Variants in G3BP1 observed in about 807,000 individuals in gnomAD.
G3BP1 encodes the protein G3BP stress granule assembly factor 1, also known as ras GTPase-activating protein-binding protein 1.
G3BP1 carries 35 observed loss-of-function variants against 58.6 expected under a neutral mutation model. The observed-to-expected ratio is 0.60, with a 90% CI of 0.46 to 0.79. G3BP1 has a LOEUF of 0.79. Among genes scored for constraint, G3BP1 ranks in the 30% least tolerant of loss-of-function variants. The probability of loss-of-function intolerance (pLI) is 0.00; values close to 1 mark genes in which losing one functional copy is unlikely to be tolerated. For missense variants in G3BP1, 523 were observed against 580.8 expected (o/e 0.90, Z 1.02); for synonymous variants, 191 against 195.4 (o/e 0.98, Z 0.19).
At chr5:151,802,060 G>T (rs951709829) in intron 11 of G3BP1, among the ~76,000 whole-genome samples, 1 of 152,090 alleles carries the variant, frequency 6.6e-6, no homozygotes, top group African/African-American at 2.4e-5. Flanking sequence ...CAGGTGATCC[G>T]CTGACCTTGG....
intron 4 of G3BP1, among the ~76,000 whole-genome samples, chr5:151,793,831 CAAAAA>C (rs751382380): frequency 1.0e-5 from 1 of 97,830 alleles, no homozygotes; most frequent in South Asian, 3.1e-4. Context: ...CGTCTCTACT[CAAAAA>C]AAAAAAAAAA....
chr5:151,790,257 A>G, intron 2 of G3BP1, 66 bp from the exon 3 acceptor site: 2 of 836,120 alleles, frequency 2.4e-6, no homozygotes, highest in South Asian at 1.7e-5. Flanking sequence ...GTTTGCCAGT[A>G]TCAGACGTGA....
At chr5:151,803,831 T>C in intron 11 of G3BP1, 54 bp from the exon 12 acceptor site, 1 of 1,174,430 alleles carries the variant, frequency 8.5e-7, no homozygotes, top group Non-Finnish European at 1.3e-6. Context: ...TTATCTTTGA[T>C]AGTGATAGCC....
intron 11 of G3BP1, among the ~76,000 whole-genome samples, chr5:151,801,543 T>A (rs1232233831): frequency 6.6e-6 from 1 of 152,198 alleles, no homozygotes; most frequent in Non-Finnish European, 1.5e-5. Flanking sequence ...CATAACAAAA[T>A]TAACCATTTA....
intron 1 of G3BP1, among the ~76,000 whole-genome samples, chr5:151,781,258 T>C (rs1016935950): frequency 2.0e-5 from 3 of 152,182 alleles, no homozygotes; most frequent in Non-Finnish European, 4.4e-5. Flanking sequence ...CCATTTGCAG[T>C]CAAGAGAAAT....
intron 3 of G3BP1, 126 bp from the exon 4 acceptor site, chr5:151,790,763 G>A: frequency 1.6e-6 from 1 of 619,862 alleles, no homozygotes; most frequent in South Asian, 2.3e-5. Flanking sequence ...AATTCAGTCT[G>A]CATATCCTGT....
At chr5:151,779,088 C>T (rs755008410) in intron 1 of G3BP1, among the ~76,000 whole-genome samples, 7 of 151,912 alleles carry the variant, frequency 4.6e-5, no homozygotes, top group African/African-American at 7.3e-5. Context: ...AGGTAAATGC[C>T]TTGCAAATAT....
Position 151,808,586 on chromosome 5 carries a change from T to C in G3BP1, c.*4495T>C, listed in dbSNP as rs1762970273. The C allele has an allele frequency of 1.3e-5, 2 of 152,226 alleles. No individual in the cohort carries two copies. Among genetic ancestry groups the C allele is most frequent in the Admixed American group, 6.5e-5 (1 of 15,284 alleles). The allele number at this position is 152,226 out of a possible 1,614,324, so 9.4% of individuals were successfully genotyped here. On this transcript the variant is annotated 3_prime_UTR_variant, in exon 12 of 12. Transcript: ENST00000356245. ...GAGGAAAATAATATAGGGAATCTGT[T>C]CAACTATTCCTTTAATAAATCATGT...
At chr5:151,777,285 T>C (rs1008595764) in intron 1 of G3BP1, among the ~76,000 whole-genome samples, 6 of 152,178 alleles carry the variant, frequency 3.9e-5, no homozygotes, top group African/African-American at 1.4e-4. Flanking sequence ...GAAACAAAAT[T>C]TACAAAAATT....
chr5:151,781,901 C>T (rs183078088), intron 1 of G3BP1, among the ~76,000 whole-genome samples: 1 of 152,200 alleles, frequency 6.6e-6, no homozygotes, highest in Admixed American at 6.5e-5. Context: ...ATTTTCAACT[C>T]TGGGCTATCC....
Position 151,806,561 on chromosome 5 carries a change from T to A in G3BP1, c.*2470T>A, listed in dbSNP as rs1436794982. 6.6e-6 allele frequency: 1 copy of A among 152,200 alleles called. No homozygotes were observed. Among genetic ancestry groups the A allele is most frequent in the Non-Finnish European group, 1.5e-5 (1 of 68,032 alleles). 9.4% of individuals were successfully genotyped at this position (152,200 alleles called of 1,614,324 possible). On this transcript the variant is annotated 3_prime_UTR_variant, in exon 12 of 12. Coordinates refer to ENST00000356245, the MANE Select transcript of G3BP1 (RefSeq NM_005754.3). The stretch of plus-strand genomic sequence containing the variant: ...CATGATCAGAACTGTTGAGAATCCT[T>A]GTACAATTATGTACATTATTGCATG...
rs112027688 is a variant in G3BP1, at chr5:151,797,410, A to G, written c.723A>G (p.Thr241=). 6.1e-5 allele frequency: 98 copies of G among 1,610,476 alleles called. No individual in the cohort carries two copies. In the African/African-American group the frequency reaches 1.3e-3, roughly 21 times the overall value. ...SSPAPADIAQ[T]VQEDLRTFSW... The stretch of plus-strand genomic sequence containing the variant: ...CAGCACCTGCAGACATAGCTCAGAC[A>G]GTACAGGAAGACTTGAGGGTATGAA... Residue 241 remains threonine, a synonymous_variant, in exon 7 of 12, where the codon ACA becomes ACG. Coordinates refer to ENST00000356245, the MANE Select transcript of G3BP1 (RefSeq NM_005754.3).
At position 151,805,821 on chromosome 5, in the gene G3BP1, TG is replaced by T. The variant is rs1199556273; in HGVS notation, c.*1733del. On this transcript the variant is annotated 3_prime_UTR_variant, in exon 12 of 12. Transcript: ENST00000356245. ...TTTGTAGCTTATATTAAGCATGTGG[TG>T]GGTGGAAAGAAAAGTTTAGTCTGAG... is the stretch of plus-strand genomic sequence containing the variant. 3 of 152,132 alleles carry T rather than the reference TG, an allele frequency of 2.0e-5. No homozygotes were observed. The highest frequency in any genetic ancestry group is 2.0e-4 in the Admixed American group (3 of 15,274). 9.4% of individuals were successfully genotyped at this position (152,132 alleles called of 1,614,324 possible).
chr5:151,800,609 T>G, intron 10 of G3BP1, 151 bp from the exon 11 acceptor site: 1 of 620,376 alleles, frequency 1.6e-6, no homozygotes, highest in South Asian at 2.2e-5. Context: ...TTTACACTTA[T>G]GAGAGGCACA....
Position 151,812,742 on chromosome 5 carries a change from A to AT in G3BP1, c.*8654dup, listed in dbSNP as rs1372896207. 6.6e-6 allele frequency: 1 copy of AT among 152,214 alleles called. No homozygotes were observed. Among genetic ancestry groups the AT allele is most frequent in the Non-Finnish European group, 1.5e-5 (1 of 68,028 alleles). 9.4% of individuals were successfully genotyped at this position (152,214 alleles called of 1,614,324 possible). On this transcript the variant is annotated 3_prime_UTR_variant, in exon 12 of 12. Transcript: ENST00000356245. ...TAACCCCTTCCTCCAGTGACTGTGCATTTATTTTGTAATAAACTCATTTTG... is the reference window on the plus strand; with the variant it reads ...TAACCCCTTCCTCCAGTGACTGTGCATTTTATTTTGTAATAAACTCATTTTG...
intron 1 of G3BP1, among the ~76,000 whole-genome samples, chr5:151,775,667 C>T (rs924312799): frequency 6.6e-6 from 1 of 152,198 alleles, no homozygotes; most frequent in Non-Finnish European, 1.5e-5. Context: ...AGTGTATCCA[C>T]CTGTCTTGAT....
Position 151,794,892 on chromosome 5 carries a change from A to G in G3BP1, c.443-587A>G, listed in dbSNP as rs1762723981. On this transcript the variant is annotated intron_variant, in intron 5 of 11. Transcript: ENST00000356245. ...AGCCTGCATTAGATAACTGCCTAATATAATTTGGCTAATGTCACGTAGCCA... is the reference window on the plus strand; with the variant it reads ...AGCCTGCATTAGATAACTGCCTAATGTAATTTGGCTAATGTCACGTAGCCA... Among the ~76,000 whole-genome samples the G allele has an allele frequency of 2.0e-5, 3 of 152,378 alleles. No homozygotes were observed. In the South Asian group the frequency reaches 6.2e-4, roughly 32 times the overall value.
intron 1 of G3BP1, among the ~76,000 whole-genome samples, chr5:151,775,118 G>C (rs975270435): frequency 6.6e-6 from 1 of 152,164 alleles, no homozygotes; most frequent in African/African-American, 2.4e-5. Context: ...AGTAAATAAG[G>C]TCTTTAGGCG....
rs956408597 is a variant in G3BP1 at position 151,805,676 on chromosome 5, C to T, written c.*1585C>T. 3 of 152,186 alleles carry T rather than the reference C, an allele frequency of 2.0e-5. No homozygotes were observed. Among genetic ancestry groups the T allele is most frequent in the Non-Finnish European group, 4.4e-5 (3 of 68,032 alleles). 9.4% of individuals were successfully genotyped at this position (152,186 alleles called of 1,614,324 possible). ...TCCTCAAATATTTGAAAATTGGCAGCATCTCCTTTACATAAACTTAATGTA... is the reference window on the plus strand; with the variant it reads ...TCCTCAAATATTTGAAAATTGGCAGTATCTCCTTTACATAAACTTAATGTA... On this transcript the variant is annotated 3_prime_UTR_variant, in exon 12 of 12. Transcript: ENST00000356245.
Sources: allele counts gnomAD v4.1 joint callset (sites outside exome capture counted in the v4.1 genomes callset), GRCh38; gene constraint gnomAD v4.1.1; transcripts MANE v1.5; gene names NCBI Gene and HGNC (gene_info 2026-07-23, HGNC 2026-07-21).